The following PCDHA3 variants were observed in gnomAD, a reference collection of about 807,000 sequenced individuals.
PCDHA3 encodes the protein protocadherin alpha-3.
A neutral mutation model predicts 62.2 loss-of-function variants in PCDHA3; 41 were observed. That is an observed-to-expected ratio of 0.66 (90% CI 0.51 to 0.86). PCDHA3 has a LOEUF of 0.86. Among genes scored for constraint, PCDHA3 ranks in the 40% least tolerant of loss-of-function variants. PCDHA3 has a pLI of 0.00. For missense variants in PCDHA3, 1,304 were observed against 1,241.2 expected (o/e 1.05, Z -0.76); for synonymous variants, 640 against 555.4 (o/e 1.15, Z -2.14).
chr5:140,946,916 T>C (rs1554217963), intron 1 of PCDHA3, among the ~76,000 whole-genome samples: 4 of 151,468 alleles, frequency 2.6e-5, no homozygotes, highest in Non-Finnish European at 5.9e-5. Context: ...GTTCTGGTGT[T>C]TTATTGAACA....
At chr5:140,842,977 G>T (rs2150349031) in intron 1 of PCDHA3, 2 of 1,595,034 alleles carry the variant, frequency 1.3e-6, no homozygotes, top group Middle Eastern at 1.7e-4. Context: ...TGACGCTGCA[G>T]GTGTTCGTGC....
At chr5:140,825,266 T>C (rs1768494140) in intron 1 of PCDHA3, 2 of 151,016 alleles carry the variant, frequency 1.3e-5, no homozygotes, top group African/African-American at 4.8e-5. Flanking sequence ...AGGTATGTGA[T>C]TGGTTATTTT....
chr5:140,822,135 G>A (rs2150113933), intron 1 of PCDHA3: 6 of 1,614,254 alleles, frequency 3.7e-6, no homozygotes, highest in East Asian at 2.2e-5. Context: ...ATGTGGAGGT[G>A]GCAGTGAAGG....
chr5:140,856,238 C>T lies in PCDHA3; in HGVS notation c.2394+52647C>T, dbSNP rs1250461159. On this transcript the variant is annotated intron_variant, in intron 1 of 3. Transcript: ENST00000522353. ...GGCGGAGCTGGTGCAGCGCCTGTTC[C>T]GGGTGGCGTCCAAAAGACACGGGGA... The T allele has an allele frequency of 5.6e-6, 9 of 1,597,934 alleles. 1 individual carries two copies. Among genetic ancestry groups the T allele is most frequent in the Non-Finnish European group, 7.7e-6 (9 of 1,167,850 alleles).
At chr5:140,809,660 C>A in intron 1 of PCDHA3, 1 of 1,483,764 alleles carries the variant, frequency 6.7e-7, no homozygotes, top group South Asian at 1.4e-5. Context: ...GTCAAATTTC[C>A]CTGGGTTAAA....
At chr5:140,966,259 G>C (rs1358322921) in intron 1 of PCDHA3, 1 of 340,612 alleles carries the variant, frequency 2.9e-6, no homozygotes, top group Non-Finnish European at 5.3e-6. Context: ...AGACGGTGGA[G>C]ACTGGATGAA....
chr5:140,969,177 A>C, intron 1 of PCDHA3: 2 of 1,614,086 alleles, frequency 1.2e-6, no homozygotes, highest in Non-Finnish European at 1.7e-6. Flanking sequence ...TCAGGGAGTG[A>C]CACTTTCATG....
intron 1 of PCDHA3, chr5:140,836,466 G>T: frequency 6.2e-7 from 1 of 1,613,862 alleles, no homozygotes; most frequent in Non-Finnish European, 8.5e-7. Flanking sequence ...CGAGCTGGTG[G>T]ATGTCAACGT....
chr5:140,935,894 C>CTTTT (rs55841305), intron 1 of PCDHA3, among the ~76,000 whole-genome samples: 9 of 136,750 alleles, frequency 6.6e-5, no homozygotes, highest in South Asian at 2.3e-4. Flanking sequence ...TCAATATTAT[C>CTTTT]TTTTTTTTTT....
chr5:140,841,682 G>A (rs2150320729), intron 1 of PCDHA3: 3 of 1,613,962 alleles, frequency 1.9e-6, no homozygotes, highest in East Asian at 2.2e-5. Flanking sequence ...CCATGTGGAC[G>A]TGGAGGTGAA....
chr5:140,894,678 G>A (rs2064610623), intron 1 of PCDHA3, among the ~76,000 whole-genome samples: 2 of 151,110 alleles, frequency 1.3e-5, no homozygotes, highest in African/African-American at 4.9e-5. Flanking sequence ...TTCTTGCATA[G>A]CTTTTCATTA....
Position 140,803,073 on chromosome 5 carries a change from C to T in PCDHA3, c.1876C>T (p.Leu626=), listed in dbSNP as rs782642335. 1.2e-6 allele frequency: 2 copies of T among 1,613,942 alleles called. No homozygotes were observed. The highest frequency in any genetic ancestry group is 1.7e-6 in the Non-Finnish European group (2 of 1,179,944). ...GGARIPFRVG[L]YTGEISTTRA... ...TGCGCGCATCCCGTTTCGCGTGGGG[C>T]TGTACACGGGAGAGATCAGCACGAC... The change falls in exon 1 of 4, where the codon CTG becomes TTG. Residue 626 remains leucine, a synonymous_variant. Coordinates refer to ENST00000522353, the MANE Select transcript of PCDHA3 (RefSeq NM_018906.3).
intron 1 of PCDHA3, chr5:140,927,197 A>G: frequency 6.2e-7 from 1 of 1,614,150 alleles, no homozygotes; most frequent in African/African-American, 1.3e-5. Flanking sequence ...CTGGTGCTCG[A>G]GGACCCGCTG....
chr5:140,910,528 T>A (rs2153515102), intron 1 of PCDHA3, among the ~76,000 whole-genome samples: 1 of 152,314 alleles, frequency 6.6e-6, no homozygotes, highest in African/African-American at 2.4e-5. Flanking sequence ...GGTACTCCCC[T>A]CACAAATCTA....
intron 1 of PCDHA3, chr5:140,850,292 C>A: frequency 6.3e-7 from 1 of 1,596,038 alleles, no homozygotes; most frequent in Non-Finnish European, 8.6e-7. Flanking sequence ...CAGTGGACGC[C>A]GACTCGGGCT....
At chr5:140,873,801 C>G (rs2054500183) in intron 1 of PCDHA3, among the ~76,000 whole-genome samples, 1 of 152,180 alleles carries the variant, frequency 6.6e-6, no homozygotes, top group Non-Finnish European at 1.5e-5. Flanking sequence ...GCTGGGACTA[C>G]AGGCATGCAC....
chr5:140,857,141 G>A, intron 1 of PCDHA3: 3 of 1,598,268 alleles, frequency 1.9e-6, no homozygotes, highest in Non-Finnish European at 2.6e-6. Flanking sequence ...TGCTCAAGTG[G>A]GCACCGTCAT....
chr5:140,828,066 T>C, intron 1 of PCDHA3: 1 of 1,560,076 alleles, frequency 6.4e-7, no homozygotes, highest in South Asian at 1.2e-5. Context: ...GATCTTCTAA[T>C]GGAAATAAAA....
chr5:140,855,938 T>G, intron 1 of PCDHA3: 1 of 1,308,620 alleles, frequency 7.6e-7, no homozygotes, highest in South Asian at 1.5e-5. Context: ...CATTCTGAGA[T>G]CTCAGCCATT....
Sources: allele counts gnomAD v4.1 joint callset (sites outside exome capture counted in the v4.1 genomes callset), GRCh38; gene constraint gnomAD v4.1.1; transcripts MANE v1.5; gene names NCBI Gene and HGNC (gene_info 2026-07-23, HGNC 2026-07-21).